STPG2: variants seen among roughly 807,000 people sequenced by gnomAD.
STPG2 encodes the protein sperm-tail PG-rich repeat-containing protein 2.
A neutral mutation model predicts 54.2 loss-of-function variants in STPG2; 56 were observed. That is an observed-to-expected ratio of 1.03 (90% CI 0.83 to 1.29). The LOEUF (loss-of-function observed/expected upper bound fraction) is 1.29, where lower values mean the gene tolerates loss of function less well. Ranked by LOEUF, STPG2 falls within the 50% of genes most tolerant of loss-of-function variation. The pLI, the probability that STPG2 is intolerant of heterozygous loss-of-function variation, is 0.00. For synonymous variants in STPG2, 200 were observed against 181.8 expected, an observed-to-expected ratio of 1.10 and a Z score of -0.81; for missense variants, 596 against 544.9, an observed-to-expected ratio of 1.09 and a Z score of -0.93.
At chr4:97,564,441 T>G (rs1362628318) in intron 10 of STPG2, among the ~76,000 whole-genome samples, 1 of 146,666 alleles carries the variant, frequency 6.8e-6, no homozygotes, top group Non-Finnish European at 1.5e-5. Flanking sequence ...ACATTTAAAG[T>G]TAATATTGTT....
In STPG2 at chr4:97,781,560, A is replaced by G. The variant is rs182443421; in HGVS notation, c.1204+59213T>C. 1.7e-3 allele frequency among the ~76,000 whole-genome samples: 263 copies of G among 152,280 alleles called. 2 individuals carry two copies. The highest frequency in any genetic ancestry group is 5.4e-3 in the African/African-American group (226 of 41,576). Reference sequence around the variant, plus strand: ...CTATTCCAATCAATAGAAAAAGAAGAAATCCTCCCTAACTCATTTTATGAG... The same window carrying G: ...CTATTCCAATCAATAGAAAAAGAAGGAATCCTCCCTAACTCATTTTATGAG... On this transcript the variant is annotated intron_variant, in intron 9 of 10. Transcript: ENST00000295268.
intron 9 of STPG2, among the ~76,000 whole-genome samples, chr4:97,719,925 G>T (rs147892566): frequency 3.1e-4 from 47 of 152,056 alleles, no homozygotes; most frequent in African/African-American, 1.1e-3. Context: ...ACATGTTAGA[G>T]CAATTGTTAC....
At chr4:97,855,147 T>C (rs554492545) in intron 8 of STPG2, among the ~76,000 whole-genome samples, 8 of 152,338 alleles carry the variant, frequency 5.3e-5, no homozygotes, top group African/African-American at 1.9e-4. Context: ...TTATCTAGTC[T>C]ATCATTGAGG....
chr4:98,068,493 C>G (rs1175589784), intron 5 of STPG2, among the ~76,000 whole-genome samples: 1 of 151,980 alleles, frequency 6.6e-6, no homozygotes, highest in Non-Finnish European at 1.5e-5. Context: ...GAATGAAACG[C>G]AAGTATTTAA....
intron 10 of STPG2, among the ~76,000 whole-genome samples, chr4:97,701,058 A>G (rs1394439975): frequency 2.0e-5 from 3 of 152,152 alleles, no homozygotes; most frequent in Non-Finnish European, 4.4e-5. Flanking sequence ...CATATCCTTG[A>G]TAGTGGCACT....
At chr4:97,905,228 G>GC (rs1731358192) in intron 8 of STPG2, among the ~76,000 whole-genome samples, 1 of 152,034 alleles carries the variant, frequency 6.6e-6, no homozygotes, top group Non-Finnish European at 1.5e-5. Context: ...TACCCTCAAA[G>GC]GGAAGCCCAT....
At chr4:97,599,982 C>G (rs542607442) in intron 10 of STPG2, among the ~76,000 whole-genome samples, 1 of 152,180 alleles carries the variant, frequency 6.6e-6, no homozygotes, top group Admixed American at 6.6e-5. Context: ...TGAACTAACA[C>G]AGACACAGAA....
chr4:98,081,238 T>C (rs1284103356), intron 5 of STPG2, among the ~76,000 whole-genome samples: 3 of 152,224 alleles, frequency 2.0e-5, no homozygotes, highest in Non-Finnish European at 4.4e-5. Flanking sequence ...AACTACGATA[T>C]TGATTTATCT....
intron 7 of STPG2, among the ~76,000 whole-genome samples, chr4:97,963,940 G>C (rs183546914): frequency 1.1e-4 from 17 of 152,006 alleles, no homozygotes; most frequent in African/African-American, 4.1e-4. Context: ...AATTAAATTG[G>C]CAGAAACTAG....
At chr4:97,520,672 G>C (rs1731162041) in intron 4 of STPG2, among the ~76,000 whole-genome samples, 1 of 151,944 alleles carries the variant, frequency 6.6e-6, no homozygotes, top group Non-Finnish European at 1.5e-5. Context: ...TTGTGCTCTA[G>C]AGAAGATGCT....
At chr4:97,797,780 A>G (rs552847294) in intron 9 of STPG2, among the ~76,000 whole-genome samples, 5 of 152,244 alleles carry the variant, frequency 3.3e-5, no homozygotes, top group African/African-American at 1.2e-4. Flanking sequence ...TCCTCCTTGT[A>G]CCTTTGGTAG....
intron 5 of STPG2, among the ~76,000 whole-genome samples, chr4:98,100,814 T>C (rs927479080): frequency 2.6e-5 from 4 of 151,900 alleles, no homozygotes; most frequent in Admixed American, 1.3e-4. Context: ...TATCTGGGAT[T>C]ACAGGCACGT....
intron 4 of STPG2, among the ~76,000 whole-genome samples, chr4:97,480,742 C>G (rs964760549): frequency 1.3e-5 from 2 of 151,462 alleles, no homozygotes; most frequent in African/African-American, 4.8e-5. Flanking sequence ...AATGCCTATT[C>G]AAATATTTTG....
intron 10 of STPG2, among the ~76,000 whole-genome samples, chr4:97,600,907 T>G (rs1367924465): frequency 6.6e-6 from 1 of 151,952 alleles, no homozygotes; most frequent in East Asian, 1.9e-4. Context: ...ATTCATAAAT[T>G]GGAATGCAGA....
intron 8 of STPG2, among the ~76,000 whole-genome samples, chr4:97,899,427 C>T (rs1488371829): frequency 6.6e-6 from 1 of 151,902 alleles, no homozygotes; most frequent in African/African-American, 2.4e-5. Flanking sequence ...AATGCTTTTC[C>T]TATCAAACTA....
At chr4:97,619,356 A>T (rs1359779020) in intron 10 of STPG2, among the ~76,000 whole-genome samples, 1 of 152,126 alleles carries the variant, frequency 6.6e-6, no homozygotes, top group African/African-American at 2.4e-5. Context: ...GTACCTGGAC[A>T]CTACTTTCAT....
Position 98,013,580 on chromosome 4 carries a change from C to CTTTTTT in STPG2, c.613-32268_613-32263dup, listed in dbSNP as rs34198207. On this transcript the variant is annotated intron_variant, in intron 5 of 10. Transcript: ENST00000295268. ...GGCTGTGAATCCATCTGGTCCTGGGCTTTTTTTTTTTTTTTTTTTTTTTTT... is the reference window on the plus strand; with the variant it reads ...GGCTGTGAATCCATCTGGTCCTGGGCTTTTTTTTTTTTTTTTTTTTTTTTTTTTTTT... Among the ~76,000 whole-genome samples, 16 of 74,602 alleles carry CTTTTTT rather than the reference C, an allele frequency of 2.1e-4. 1 individual carries two copies. Among genetic ancestry groups the CTTTTTT allele is most frequent in the African/African-American group, 6.8e-4 (13 of 19,236 alleles). The allele number at this position is 74,602 out of a possible 152,430, so 48.9% of individuals were successfully genotyped here. A position where few individuals can be genotyped will look rare whatever the true frequency, so the allele number is the denominator to read the frequency against.
intron 9 of STPG2, among the ~76,000 whole-genome samples, chr4:97,788,667 G>T (rs566300595): frequency 3.7e-4 from 57 of 152,072 alleles, no homozygotes; most frequent in Non-Finnish European, 5.4e-4. Flanking sequence ...CTCCATAGTA[G>T]CTATACTAAT....
rs536858950 is a variant in STPG2 at position 97,795,886 on chromosome 4, A to G, written c.1204+44887T>C. Among the ~76,000 whole-genome samples the G allele has an allele frequency of 2.5e-3, 384 of 151,980 alleles. 2 individuals carry two copies. The highest frequency in any genetic ancestry group is 3.4e-3 in the African/African-American group (140 of 41,394). On this transcript the variant is annotated intron_variant, in intron 9 of 10. Transcript: ENST00000295268. Reference sequence around the variant, plus strand: ...GTTGTTTCCTGACTTTTTAATGACCACCATTCTAACTGGTGTGAGATGATA... The same window carrying G: ...GTTGTTTCCTGACTTTTTAATGACCGCCATTCTAACTGGTGTGAGATGATA...
Sources: gnomAD v4.1 joint callset for allele counts (sites outside exome capture counted in the v4.1 genomes callset) on GRCh38, gnomAD v4.1.1 for gene constraint, MANE v1.5 for transcripts, NCBI Gene and HGNC (gene_info 2026-07-23, HGNC 2026-07-21) for gene names.